The following GSG1L variants were observed in gnomAD, a reference collection of about 807,000 sequenced individuals.
The protein encoded by GSG1L is GSG1 like.
A neutral mutation model predicts 42.1 loss-of-function variants in GSG1L; 24 were observed. The observed-to-expected ratio is 0.57, with a 90% CI of 0.41 to 0.80. GSG1L has a LOEUF of 0.80. Ranked by LOEUF, GSG1L falls within the 30% of genes least tolerant of loss-of-function variation. The pLI, the probability that GSG1L is intolerant of heterozygous loss-of-function variation, is 0.00. For missense variants in GSG1L, 445 were observed against 472.2 expected, an observed-to-expected ratio of 0.94 and a Z score of 0.53; for synonymous variants, 215 against 203.5, an observed-to-expected ratio of 1.06 and a Z score of -0.48.
At chr16:27,934,704 GCT>G (rs1426302949) in intron 2 of GSG1L, among the ~76,000 whole-genome samples, 2 of 152,182 alleles carry the variant, frequency 1.3e-5, no homozygotes, top group Non-Finnish European at 2.9e-5. Context: ...TCAAATTCTG[GCT>G]CTGTCATTTC....
At chr16:28,038,995 C>T (rs183264552) in intron 1 of GSG1L, among the ~76,000 whole-genome samples, 13 of 152,208 alleles carry the variant, frequency 8.5e-5, no homozygotes, top group Admixed American at 5.2e-4. Context: ...CACAGATGTG[C>T]AAAGGTTGCT....
chr16:28,002,065 A>C (rs921449645), intron 1 of GSG1L, among the ~76,000 whole-genome samples: 4 of 152,120 alleles, frequency 2.6e-5, no homozygotes, highest in African/African-American at 9.7e-5. Flanking sequence ...AGCACCTACT[A>C]CGCGCCAGGC....
chr16:27,933,776 C>A (rs1191853949), intron 2 of GSG1L, among the ~76,000 whole-genome samples: 2 of 151,906 alleles, frequency 1.3e-5, no homozygotes, highest in African/African-American at 4.8e-5. Context: ...TCTCAAAATG[C>A]AAAACTCAAA....
intron 4 of GSG1L, among the ~76,000 whole-genome samples, 179 bp downstream of exon 4, chr16:27,844,771 C>G (rs2083423718): frequency 6.6e-6 from 1 of 152,118 alleles, no homozygotes; most frequent in African/African-American, 2.4e-5. Context: ...GACCCACAGG[C>G]CCTAGTTTGC....
At position 27,862,351 on chromosome 16, in the gene GSG1L, A is replaced by G. The variant is rs374499392; in HGVS notation, c.551-17290T>C. 3.9e-5 allele frequency among the ~76,000 whole-genome samples: 6 copies of G among 152,306 alleles called. 1 individual carries two copies. The East Asian group carries it at 5.8e-4, about 15-fold the overall frequency. ...AACTGAAGCCCTGAAAGAAACCAAA[A>G]GGAGCCGAAATCTCCGAACAACCAG... On this transcript the variant is annotated intron_variant, in intron 3 of 6. Coordinates refer to ENST00000447459, the MANE Select transcript of GSG1L (RefSeq NM_001109763.2).
At chr16:27,880,337 C>G (rs2083937585) in intron 3 of GSG1L, among the ~76,000 whole-genome samples, 1 of 152,222 alleles carries the variant, frequency 6.6e-6, no homozygotes, top group Non-Finnish European at 1.5e-5. Context: ...CCACCACTTG[C>G]TACCTCAGTC....
intron 6 of GSG1L, among the ~76,000 whole-genome samples, chr16:27,801,711 G>A (rs950362393): frequency 6.6e-6 from 1 of 152,086 alleles, no homozygotes; most frequent in East Asian, 1.9e-4. Flanking sequence ...CCAACCAATG[G>A]AGCTGCTGAC....
chr16:27,962,691 C>T (rs1213900037), intron 2 of GSG1L, among the ~76,000 whole-genome samples: 1 of 152,130 alleles, frequency 6.6e-6, no homozygotes, highest in Non-Finnish European at 1.5e-5. Context: ...CCTCTGCTGT[C>T]GGGCTCTGAA....
In GSG1L at chr16:27,794,360, T is replaced by A. The variant is rs564674211; in HGVS notation, c.899-2893A>T. On this transcript the variant is annotated intron_variant, in intron 6 of 6. Transcript: ENST00000447459. Reference sequence around the variant, plus strand: ...TTTTTTTTTTTTTTGAAACGGAGTCTCGCTCTGTTGCCCAGGCTGGAGTGC... The same window carrying A: ...TTTTTTTTTTTTTTGAAACGGAGTCACGCTCTGTTGCCCAGGCTGGAGTGC... 1.7e-4 allele frequency among the ~76,000 whole-genome samples: 26 copies of A among 151,334 alleles called. No individual in the cohort carries two copies. In the South Asian group the frequency reaches 5.3e-3, roughly 31 times the overall value.
intron 2 of GSG1L, chr16:27,888,027 AG>A: frequency 1.1e-6 from 1 of 878,694 alleles, no homozygotes; most frequent in Non-Finnish European, 1.4e-6. Context: ...GGCCGCCCCC[AG>A]GAGGTTTCAT....
At chr16:28,038,369 T>G (rs191388494) in intron 1 of GSG1L, among the ~76,000 whole-genome samples, 237 of 152,318 alleles carry the variant, frequency 1.6e-3, no homozygotes, top group Non-Finnish European at 1.6e-3. Flanking sequence ...AGAGGCTATG[T>G]GACATTCCAG....
rs999976654 is a variant in GSG1L, at chr16:27,888,694, T to C, written c.398-4056A>G. On this transcript the variant is annotated intron_variant, in intron 2 of 6. Transcript: ENST00000447459. Reference sequence around the variant, plus strand: ...GTGCAGTGGCACCATCTCAGCTCACTGCAACCTCCATCTCCCAGGTTCAAG... The same window carrying C: ...GTGCAGTGGCACCATCTCAGCTCACCGCAACCTCCATCTCCCAGGTTCAAG... Among the ~76,000 whole-genome samples, 13 of 151,382 alleles carry C rather than the reference T, an allele frequency of 8.6e-5. 1 individual carries two copies. In the South Asian group the frequency reaches 1.7e-3, roughly 20 times the overall value.
At chr16:28,028,854 C>T (rs533752163) in intron 1 of GSG1L, among the ~76,000 whole-genome samples, 28 of 152,276 alleles carry the variant, frequency 1.8e-4, no homozygotes, top group South Asian at 1.0e-3. Context: ...CTGTGGTCCC[C>T]GGCAGCCAGA....
At chr16:27,946,596 AG>A (rs2084866250) in intron 2 of GSG1L, among the ~76,000 whole-genome samples, 1 of 7,804 alleles carries the variant, frequency 1.3e-4, no homozygotes, top group African/African-American at 5.2e-4. Context: ...AGAGAGAGAG[AG>A]AGAGAGAGAG....
chr16:27,809,071 G>A (rs1352545396), intron 5 of GSG1L, among the ~76,000 whole-genome samples: 1 of 152,176 alleles, frequency 6.6e-6, no homozygotes, highest in East Asian at 1.9e-4. Flanking sequence ...CATCACATTA[G>A]AGAAACACAA....
intron 3 of GSG1L, among the ~76,000 whole-genome samples, chr16:27,871,875 G>C (rs983560327): frequency 3.3e-5 from 5 of 152,192 alleles, no homozygotes; most frequent in Non-Finnish European, 7.3e-5. Flanking sequence ...GCCCAGGGCT[G>C]GGAAGATTGG....
chr16:27,812,401 A>G (rs1295994237), intron 5 of GSG1L, among the ~76,000 whole-genome samples: 1 of 152,232 alleles, frequency 6.6e-6, no homozygotes, highest in Admixed American at 6.5e-5. Flanking sequence ...GACAGTAAAT[A>G]TGTGAGGCTT....
intron 3 of GSG1L, among the ~76,000 whole-genome samples, chr16:27,855,173 C>G (rs1368530172): frequency 1.3e-5 from 2 of 152,176 alleles, no homozygotes; most frequent in Non-Finnish European, 2.9e-5. Context: ...GGATCCTCCC[C>G]CTGGTGGATG....
intron 5 of GSG1L, among the ~76,000 whole-genome samples, chr16:27,816,403 A>G (rs2083094598): frequency 6.6e-6 from 1 of 152,216 alleles, no homozygotes; most frequent in Non-Finnish European, 1.5e-5. Flanking sequence ...GGGACAAGGA[A>G]CTTCAGAGCA....
Sources: gnomAD v4.1 joint callset for allele counts (sites outside exome capture counted in the v4.1 genomes callset) on GRCh38, gnomAD v4.1.1 for gene constraint, MANE v1.5 for transcripts, NCBI Gene and HGNC (gene_info 2026-07-23, HGNC 2026-07-21) for gene names.